CFAP100: variants seen among roughly 807,000 people sequenced by gnomAD.
CFAP100 encodes the protein cilia and flagella associated protein 100.
In CFAP100, 70 loss-of-function variants were observed where a neutral mutation model predicts 81.5. That is an observed-to-expected ratio of 0.86 (90% CI 0.71 to 1.05). CFAP100 has a LOEUF of 1.05. CFAP100 is among the 50% of genes least tolerant of loss of function. The pLI is 0.00. For synonymous variants in CFAP100, 341 were observed against 314.8 expected (o/e 1.08, Z -0.88); for missense variants, 811 against 776.5 (o/e 1.04, Z -0.53).
intron 2 of CFAP100, among the ~76,000 whole-genome samples, chr3:126,398,682 T>A (rs543112423): frequency 1.3e-5 from 2 of 152,300 alleles, no homozygotes; most frequent in South Asian, 4.1e-4. Context: ...AGAAACATGA[T>A]CTTCAGTAAT....
intron 2 of CFAP100, among the ~76,000 whole-genome samples, chr3:126,398,268 G>A (rs541712811): frequency 2.0e-5 from 3 of 152,336 alleles, no homozygotes; most frequent in African/African-American, 7.2e-5. Context: ...CCAGTTCCAG[G>A]AGAGGCACTG....
In CFAP100 at chr3:126,420,088, C is replaced by A; in HGVS notation, c.956-15C>A. 2 of 1,613,290 alleles carry A rather than the reference C, an allele frequency of 1.2e-6. No individual in the cohort carries two copies. Among genetic ancestry groups the A allele is most frequent in the Non-Finnish European group, 1.7e-6 (2 of 1,179,998 alleles). The stretch of plus-strand genomic sequence containing the variant: ...CCTGCACAGGGCTCGGAAACTATTC[C>A]TCTGCTTTCTCCAGAGGGTCAGGGT... On this transcript the variant is annotated splice_polypyrimidine_tract_variant and intron_variant, in intron 10 of 16. Transcript: ENST00000352312.
At chr3:126,435,358 C>T (rs12631841) in intron 15 of CFAP100, among the ~76,000 whole-genome samples, 31,337 of 152,016 alleles carry the variant, frequency 0.21, 3,551 homozygotes, top group East Asian at 0.34. Context: ...GGTTGTCCTC[C>T]TCTGGGCCTA....
chr3:126,407,182 G>A lies in CFAP100; in HGVS notation c.60G>A (p.Leu20=), dbSNP rs1308848852. 3.1e-6 allele frequency: 5 copies of A among 1,613,400 alleles called. No individual in the cohort carries two copies. In the African/African-American group the frequency reaches 6.7e-5, roughly 22 times the overall value. ...SKNMTNDKNS[L]ESMNISSSSS... ...TTTGTGTCTCCTCAGAGAACAGCCTGGAATCCATGAACATCAGCTCTTCTT... is the reference window on the plus strand; with the variant it reads ...TTTGTGTCTCCTCAGAGAACAGCCTAGAATCCATGAACATCAGCTCTTCTT... The change falls in exon 3 of 17, where the codon CTG becomes CTA. Residue 20 remains leucine, a synonymous_variant. Transcript: ENST00000352312.
At chr3:126,416,238 G>C in intron 4 of CFAP100, 78 bp from the exon 5 acceptor site, 1 of 1,327,872 alleles carries the variant, frequency 7.5e-7, no homozygotes, top group Non-Finnish European at 1.0e-6. Context: ...CGCGTCCCTA[G>C]GAATGGGGAA....
intron 5 of CFAP100, 91 bp downstream of exon 5, chr3:126,416,599 C>T: frequency 2.7e-6 from 3 of 1,115,304 alleles, no homozygotes; most frequent in East Asian, 2.6e-5. Flanking sequence ...TGCCACTCAT[C>T]TTGCACAGAT....
In CFAP100 at chr3:126,420,198, C is replaced by T. The variant is rs763155055; in HGVS notation, c.1051C>T (p.Pro351Ser). 3.3e-5 allele frequency: 54 copies of T among 1,612,678 alleles called. No individual in the cohort carries two copies. The highest frequency in any genetic ancestry group is 4.5e-5 in the Non-Finnish European group (53 of 1,180,014). The change falls in exon 11 of 17, where the codon CCC becomes TCC. Residue 351 changes from proline to serine, a missense_variant. Physicochemically the swap from Pro to Ser is moderately conservative, Grantham distance 74 (BLOSUM62 -1). Coordinates refer to ENST00000352312, the MANE Select transcript of CFAP100 (RefSeq NM_182628.3). Reference sequence around the variant, plus strand: ...GAGCAGCCCCCAGCAAGGCAGCCAGCCCAGCGAGTCCAGCGGTGGCGACTC... The same window carrying T: ...GAGCAGCCCCCAGCAAGGCAGCCAGTCCAGCGAGTCCAGCGGTGGCGACTC... The part of the protein sequence containing the change: ...YLSSPQQGSQ[P>S]SESSGGDSRG...
chr3:126,429,869 C>T (rs530176636), intron 13 of CFAP100, among the ~76,000 whole-genome samples: 32 of 152,246 alleles, frequency 2.1e-4, no homozygotes, highest in African/African-American at 7.2e-4. Context: ...GTGACCACCT[C>T]CTTCAGGTTT....
chr3:126,422,483 G>A (rs2083348216), intron 11 of CFAP100, among the ~76,000 whole-genome samples: 1 of 130,896 alleles, frequency 7.6e-6, no homozygotes, highest in Non-Finnish European at 1.7e-5. Flanking sequence ...GGGCAAGCCA[G>A]CGCAGCCCCC....
chr3:126,397,802 G>A (rs1560058380), intron 2 of CFAP100, among the ~76,000 whole-genome samples: 1 of 152,232 alleles, frequency 6.6e-6, no homozygotes, highest in Non-Finnish European at 1.5e-5. Context: ...AAAGGTAGGG[G>A]CCAAAATGAC....
intron 14 of CFAP100, 157 bp downstream of exon 14, chr3:126,433,361 A>C: frequency 1.3e-6 from 1 of 793,818 alleles, no homozygotes; most frequent in Non-Finnish European, 2.0e-6. Flanking sequence ...GAGCCACCAC[A>C]TGTATTGATG....
At chr3:126,396,384 T>C (rs188565440) in intron 2 of CFAP100, 18 of 271,100 alleles carry the variant, frequency 6.6e-5, no homozygotes, top group African/African-American at 3.5e-4. Context: ...TTGCAGGCAA[T>C]CCTTGGTGCT....
At chr3:126,413,642 A>T (rs1033140995) in intron 3 of CFAP100, among the ~76,000 whole-genome samples, 12 of 152,206 alleles carry the variant, frequency 7.9e-5, no homozygotes, top group African/African-American at 2.9e-4. Context: ...CTTCCCTGGG[A>T]GGACTGGAGA....
intron 8 of CFAP100, 31 bp from the exon 9 acceptor site, chr3:126,419,606 C>A: frequency 6.2e-7 from 1 of 1,604,266 alleles, no homozygotes; most frequent in Non-Finnish European, 8.5e-7. Flanking sequence ...TGACCTCCTC[C>A]TTCCCACATC....
chr3:126,417,433 T>A (rs1324882909), intron 5 of CFAP100, among the ~76,000 whole-genome samples: 1 of 152,120 alleles, frequency 6.6e-6, no homozygotes, highest in East Asian at 1.9e-4. Context: ...GGATTAGAGG[T>A]GTACCATGTG....
intron 13 of CFAP100, among the ~76,000 whole-genome samples, chr3:126,432,412 T>C (rs528615041): frequency 6.6e-6 from 1 of 151,768 alleles, no homozygotes; most frequent in African/African-American, 2.4e-5. Context: ...AGCAGCAATA[T>C]TCCCAAGAGC....
intron 5 of CFAP100, among the ~76,000 whole-genome samples, chr3:126,417,301 G>A (rs1010136890): frequency 6.7e-6 from 1 of 149,832 alleles, no homozygotes; most frequent in African/African-American, 2.5e-5. Context: ...TAAGAACCAT[G>A]TATGTGTGTG....
chr3:126,404,654 C>T lies in CFAP100; in HGVS notation c.50-2518C>T, dbSNP rs185165383. Reference sequence around the variant, plus strand: ...GGGAGTTCTGGTGTCCAGTCTCTCCCGGTCATTCACAGAGCAGGGAAAATG... The same window carrying T: ...GGGAGTTCTGGTGTCCAGTCTCTCCTGGTCATTCACAGAGCAGGGAAAATG... On this transcript the variant is annotated intron_variant, in intron 2 of 16. Transcript: ENST00000352312. Among the ~76,000 whole-genome samples the T allele has an allele frequency of 4.9e-3, 753 of 152,168 alleles. 8 individuals carry two copies. Among genetic ancestry groups the T allele is most frequent in the Non-Finnish European group, 8.6e-3 (588 of 67,998 alleles).
intron 4 of CFAP100, among the ~76,000 whole-genome samples, chr3:126,415,963 G>A (rs78530473): frequency 0.068 from 10,301 of 152,294 alleles, 426 homozygotes; most frequent in South Asian, 0.14. Flanking sequence ...GAGCCTCTAG[G>A]TTCCCTGCCC....
Sources: gnomAD v4.1 joint callset for allele counts (sites outside exome capture counted in the v4.1 genomes callset) on GRCh38, gnomAD v4.1.1 for gene constraint, MANE v1.5 for transcripts, NCBI Gene and HGNC (gene_info 2026-07-23, HGNC 2026-07-21) for gene names.